Variants in CTPS2 observed in about 807,000 individuals in gnomAD.
CTPS2 encodes the protein CTP synthase II.
Under a neutral mutation model 46.8 loss-of-function variants are expected in CTPS2, and 19 were observed. The observed-to-expected ratio is 0.41, with a 90% CI of 0.28 to 0.60. The LOEUF is 0.60. Ranked by LOEUF, CTPS2 falls within the 20% of genes least tolerant of loss-of-function variation. CTPS2 has a pLI of 0.35. For synonymous variants in CTPS2, 151 were observed against 165.2 expected (o/e 0.91, Z 0.66); for missense variants, 286 against 447.6 (o/e 0.64, Z 3.26).
At chrX:16,670,219 C>T (rs995749171) in intron 11 of CTPS2, among the ~76,000 whole-genome samples, 11 of 111,999 alleles carry the variant, frequency 9.8e-5, no homozygotes, top group Admixed American at 1.9e-4. Flanking sequence ...GGAATAGCAG[C>T]AAGTTCTCCT....
chrX:16,598,683 A>T (rs1438592175), intron 17 of CTPS2, among the ~76,000 whole-genome samples: 2 of 111,643 alleles, frequency 1.8e-5, no homozygotes, highest in East Asian at 2.8e-4. Context: ...ATAGAAAAAG[A>T]GGGAATCCTC....
intron 14 of CTPS2, among the ~76,000 whole-genome samples, chrX:16,624,867 A>G (rs1931041749): frequency 8.9e-6 from 1 of 112,423 alleles, no homozygotes; most frequent in African/African-American, 3.2e-5. Flanking sequence ...AGCACTCCCA[A>G]TGCAGGCAGA....
At chrX:16,628,554 C>T (rs1289343375) in intron 14 of CTPS2, among the ~76,000 whole-genome samples, 5 of 110,383 alleles carry the variant, frequency 4.5e-5, no homozygotes, top group Non-Finnish European at 9.5e-5. Context: ...TTAGTAGAGA[C>T]GGGGTTTCTC....
At position 16,683,115 on chromosome X, in the gene CTPS2, G is replaced by A. The variant is rs774167763; in HGVS notation, c.984C>T (p.Ile328=). The A allele has an allele frequency of 1.5e-5, 18 of 1,209,619 alleles. No individual in the cohort carries two copies. The highest frequency in any genetic ancestry group is 5.2e-5 in the African/African-American group (3 of 57,164). ...FKALEHSALA[I]NHKLNLMYID... is the part of the protein sequence containing the mutation. The stretch of plus-strand genomic sequence containing the variant: ...TCACCATCAGATTCAACTTGTGGTT[G>A]ATGGCCAGGGCTGAGTGTTCCAGGG... The change falls in exon 9 of 19, where the codon ATC becomes ATT. Residue 328 remains isoleucine (I), a synonymous_variant. Coordinates refer to ENST00000359276, the MANE Select transcript of CTPS2 (RefSeq NM_175859.3).
chrX:16,633,001 AC>A (rs1411081978), intron 14 of CTPS2, among the ~76,000 whole-genome samples: 1 of 110,546 alleles, frequency 9.0e-6, no homozygotes, highest in East Asian at 2.8e-4. Flanking sequence ...ATGTCCTTCA[AC>A]TCTGCCTAGG....
At chrX:16,663,276 G>C (rs1419090074) in intron 13 of CTPS2, among the ~76,000 whole-genome samples, 2 of 111,301 alleles carry the variant, frequency 1.8e-5, no homozygotes, top group African/African-American at 6.5e-5. Flanking sequence ...CTCCCGAGTA[G>C]CTAGGACTAT....
chrX:16,669,827 G>A (rs912653009), intron 11 of CTPS2, among the ~76,000 whole-genome samples: 2 of 110,663 alleles, frequency 1.8e-5, no homozygotes, highest in Non-Finnish European at 3.8e-5. Context: ...CCTCCTGCCT[G>A]AGTCCCCAGC....
intron 8 of CTPS2, among the ~76,000 whole-genome samples, chrX:16,684,630 T>G (rs1923022496): frequency 9.0e-6 from 1 of 110,598 alleles, no homozygotes; most frequent in Non-Finnish European, 1.9e-5. Context: ...AAGTCAAAAC[T>G]GACAGGGAAG....
rs113592525 is a variant in CTPS2, at chrX:16,688,765, G to GCAAAACAAAA, written c.872+675_872+684dup. 1.5e-4 allele frequency among the ~76,000 whole-genome samples: 16 copies of GCAAAACAAAA among 106,602 alleles called. No homozygotes were observed. In the East Asian group the frequency reaches 3.6e-3, roughly 24 times the overall value. 92.6% of individuals were successfully genotyped at this position (106,602 alleles called of 115,157 possible). Reference sequence around the variant, plus strand: ...AAAGTTAGCCAAATCTTAAAAACAAGCAAAACAAAACAAAACAAAAAACCT... The same window carrying GCAAAACAAAA: ...AAAGTTAGCCAAATCTTAAAAACAAGCAAAACAAAACAAAACAAAACAAAACAAAAAACCT... On this transcript the variant is annotated intron_variant, in intron 8 of 18. Coordinates refer to ENST00000359276, the MANE Select transcript of CTPS2 (RefSeq NM_175859.3).
intron 13 of CTPS2, among the ~76,000 whole-genome samples, chrX:16,651,798 G>A (rs1347952985): frequency 8.9e-6 from 1 of 111,981 alleles, no homozygotes; most frequent in Non-Finnish European, 1.9e-5. Context: ...ACAGAGTACA[G>A]AGAAGAGCTG....
intron 17 of CTPS2, among the ~76,000 whole-genome samples, chrX:16,596,291 C>G (rs1337868596): frequency 9.1e-6 from 1 of 109,398 alleles, no homozygotes; most frequent in Non-Finnish European, 1.9e-5. Flanking sequence ...GCTGCACCCA[C>G]TAACTCGTCG....
chrX:16,678,405 G>C lies in CTPS2; in HGVS notation c.1051C>G (p.Pro351Ala), dbSNP rs1448165594. 6.6e-6 allele frequency: 8 copies of C among 1,203,102 alleles called. No individual in the cohort carries two copies. The highest frequency in any genetic ancestry group is 1.8e-5 in the African/African-American group (1 of 56,846). The change falls in exon 10 of 19, where the codon CCT becomes GCT. Residue 351 changes from proline (P) to alanine (A), a missense_variant. Pro to Ala is a conservative substitution (Grantham distance 27). Transcript: ENST00000359276. ...TGCCAAGCTTCATGAAATTTCACAGGGTCCTCGGTTTCAGTGATCTTCTCC... is the reference window on the plus strand; with the variant it reads ...TGCCAAGCTTCATGAAATTTCACAGCGTCCTCGGTTTCAGTGATCTTCTCC... Reference protein sequence around the residue: ...DLEKITETEDPVKFHEAWQKL... With the variant: ...DLEKITETEDAVKFHEAWQKL...
intron 13 of CTPS2, among the ~76,000 whole-genome samples, chrX:16,666,977 T>C (rs1249459434): frequency 9.0e-6 from 1 of 111,511 alleles, no homozygotes; most frequent in Non-Finnish European, 1.9e-5. Context: ...ACATTAAGCT[T>C]GAAAGCTGCG....
At chrX:16,673,448 A>T (rs185268730) in intron 10 of CTPS2, among the ~76,000 whole-genome samples, 2 of 111,456 alleles carry the variant, frequency 1.8e-5, no homozygotes, top group Admixed American at 1.9e-4. Context: ...CTTGGTCTCC[A>T]TCATCACAAT....
intron 17 of CTPS2, among the ~76,000 whole-genome samples, chrX:16,591,763 T>C (rs748610771): frequency 9.0e-6 from 1 of 110,856 alleles, no homozygotes; most frequent in South Asian, 3.9e-4. Context: ...TTTCTGACCT[T>C]CTCCAAGCAG....
chrX:16,619,870 C>T (rs1244000194), intron 15 of CTPS2, among the ~76,000 whole-genome samples: 1 of 111,281 alleles, frequency 9.0e-6, no homozygotes, highest in African/African-American at 3.3e-5. Flanking sequence ...CAGGGATGCA[C>T]CCCCATCCCA....
At chrX:16,650,221 A>G (rs1031404902) in intron 13 of CTPS2, 1 of 111,918 alleles carries the variant, frequency 8.9e-6, no homozygotes, top group African/African-American at 3.2e-5. Flanking sequence ...TGATTTTGGT[A>G]CTACCTAGAG....
Position 16,685,328 on chromosome X carries a change from G to T in CTPS2, c.873-2102C>A, listed in dbSNP as rs1448824674. 2.1e-4 allele frequency among the ~76,000 whole-genome samples: 23 copies of T among 111,481 alleles called. No individual in the cohort carries two copies. The Admixed American group carries it at 2.2e-3, about 11-fold the overall frequency. On this transcript the variant is annotated intron_variant, in intron 8 of 18. Coordinates refer to ENST00000359276, the MANE Select transcript of CTPS2 (RefSeq NM_175859.3). ...CTCACTCACAGCTGGTCTTCCCAGG[G>T]GAGGAGTCACTGGGCAGCAGGTGGT...
chrX:16,694,916 G>T (rs746201415), intron 4 of CTPS2, among the ~76,000 whole-genome samples: 1 of 111,380 alleles, frequency 9.0e-6, no homozygotes, highest in Non-Finnish European at 1.9e-5. Context: ...GATCGCTTGA[G>T]CCTGGAGAAG....
Sources: gnomAD v4.1 joint callset for allele counts (sites outside exome capture counted in the v4.1 genomes callset) on GRCh38, gnomAD v4.1.1 for gene constraint, MANE v1.5 for transcripts, NCBI Gene and HGNC (gene_info 2026-07-23, HGNC 2026-07-21) for gene names.